The following RALYL variants were observed in gnomAD, a reference collection of about 807,000 sequenced individuals.
The protein encoded by RALYL is RALY RNA binding protein like.
In RALYL, 29 loss-of-function variants were observed where a neutral mutation model predicts 35.1. The observed-to-expected ratio is 0.83, with a 90% CI of 0.61 to 1.13. RALYL has a LOEUF of 1.13. RALYL is among the 50% of genes most tolerant of loss of function. The pLI, the probability that RALYL is intolerant of heterozygous loss-of-function variation, is 0.00. For synonymous variants in RALYL, 120 were observed against 127.6 expected (o/e 0.94, Z 0.40); for missense variants, 359 against 360.4 (o/e 1.00, Z 0.03).
At chr8:84,419,250 C>T (rs1016044529) in intron 1 of RALYL, among the ~76,000 whole-genome samples, 8 of 152,064 alleles carry the variant, frequency 5.3e-5, no homozygotes, top group African/African-American at 1.7e-4. Flanking sequence ...TCTTGTTCAC[C>T]ATAATTTATG....
chr8:84,283,689 G>A (rs1055745587), intron 1 of RALYL, among the ~76,000 whole-genome samples: 2 of 152,038 alleles, frequency 1.3e-5, no homozygotes, highest in African/African-American at 4.8e-5. Context: ...TCTATTATTT[G>A]CACCCAAAAT....
chr8:84,833,455 T>C (rs531985646), intron 4 of RALYL, among the ~76,000 whole-genome samples: 188 of 152,026 alleles, frequency 1.2e-3, no homozygotes, highest in African/African-American at 4.3e-3. Context: ...CTGGCCAACA[T>C]GAAGAAACCC....
At chr8:84,657,150 A>T (rs1830102031) in intron 2 of RALYL, among the ~76,000 whole-genome samples, 1 of 152,174 alleles carries the variant, frequency 6.6e-6, no homozygotes, top group Non-Finnish European at 1.5e-5. Context: ...ACAAATCCAG[A>T]AATTGCTGTT....
At chr8:84,683,233 G>C (rs28550430) in intron 2 of RALYL, among the ~76,000 whole-genome samples, 1 of 151,850 alleles carries the variant, frequency 6.6e-6, no homozygotes, top group African/African-American at 2.4e-5. Flanking sequence ...CTGTTCTTTT[G>C]CATTTGCTGA....
chr8:84,307,493 A>G (rs924426779), intron 1 of RALYL, among the ~76,000 whole-genome samples: 7 of 152,220 alleles, frequency 4.6e-5, no homozygotes, highest in African/African-American at 1.7e-4. Context: ...AAGAAAAAAA[A>G]GCACAACCAC....
intron 2 of RALYL, among the ~76,000 whole-genome samples, chr8:84,653,736 C>T (rs1829331181): frequency 6.7e-6 from 1 of 148,900 alleles, no homozygotes; most frequent in African/African-American, 2.6e-5. Context: ...CTCCATAAAA[C>T]AGACCTTCTA....
At chr8:84,915,138 TATAAGA>T (rs1390887906) in intron 8 of RALYL, among the ~76,000 whole-genome samples, 8 of 152,040 alleles carry the variant, frequency 5.3e-5, no homozygotes, top group Admixed American at 2.6e-4. Flanking sequence ...TTCCACCCAC[TATAAGA>T]ATAAGTGTCA....
At chr8:84,873,485 G>C in intron 7 of RALYL, 88 bp downstream of exon 7, 2 of 741,072 alleles carry the variant, frequency 2.7e-6, no homozygotes, top group Non-Finnish European at 4.6e-6. Flanking sequence ...GGAAGACACT[G>C]GCTGAGTTTA....
At chr8:84,335,315 C>A (rs115989102) in intron 1 of RALYL, among the ~76,000 whole-genome samples, 419 of 152,192 alleles carry the variant, frequency 2.8e-3, no homozygotes, top group African/African-American at 8.7e-3. Flanking sequence ...TTCCTTGCTC[C>A]CAGATGAAGC....
intron 1 of RALYL, among the ~76,000 whole-genome samples, chr8:84,371,104 C>G (rs1280858051): frequency 6.6e-6 from 1 of 151,936 alleles, no homozygotes; most frequent in Non-Finnish European, 1.5e-5. Flanking sequence ...CCTCTTGCTC[C>G]TCCTCACGGA....
chr8:84,850,031 T>C lies in RALYL; in HGVS notation c.413+4T>C, dbSNP rs1204487109. ...ACAGAGATGATTTCTACAATCGGTATGTGAATTTTTCATCCTTGTTTTCCT... is the reference window on the plus strand; with the variant it reads ...ACAGAGATGATTTCTACAATCGGTACGTGAATTTTTCATCCTTGTTTTCCT... On this transcript the variant is annotated splice_donor_region_variant and intron_variant, in intron 5 of 8. Coordinates refer to ENST00000521268, the MANE Select transcript of RALYL (RefSeq NM_173848.7). 4.1e-6 allele frequency: 6 copies of C among 1,460,262 alleles called. No individual in the cohort carries two copies. The highest frequency in any genetic ancestry group is 5.5e-6 in the Non-Finnish European group (6 of 1,094,138). The allele number at this position is 1,460,262 out of a possible 1,614,324, so 90.5% of individuals were successfully genotyped here. A position where few individuals can be genotyped will look rare whatever the true frequency, so the allele number is the denominator to read the frequency against.
chr8:84,653,374 C>T (rs908791104), intron 2 of RALYL, among the ~76,000 whole-genome samples: 1 of 151,986 alleles, frequency 6.6e-6, no homozygotes, highest in Non-Finnish European at 1.5e-5. Flanking sequence ...GCTACACATG[C>T]AATGCACGTA....
At chr8:84,615,570 CTTTTTTTTTTTTTTT>C (rs60428128) in intron 2 of RALYL, among the ~76,000 whole-genome samples, 9 of 67,364 alleles carry the variant, frequency 1.3e-4, no homozygotes, top group South Asian at 6.1e-4. Context: ...GAACTTTCGT[CTTTTTTTTTTTTTTT>C]TTTTTTTTTT....
At chr8:84,258,546 G>GA (rs1831621930) in intron 1 of RALYL, among the ~76,000 whole-genome samples, 3 of 151,656 alleles carry the variant, frequency 2.0e-5, no homozygotes, top group Non-Finnish European at 4.4e-5. Context: ...TGCAGTATTT[G>GA]ATTGTATCAA....
At position 84,865,941 on chromosome 8, in the gene RALYL, G is replaced by A. The variant is rs575294952; in HGVS notation, c.571+3488G>A. Among the ~76,000 whole-genome samples, 3 of 152,228 alleles carry A rather than the reference G, an allele frequency of 2.0e-5. No individual in the cohort carries two copies. In the East Asian group the frequency reaches 5.8e-4, roughly 29 times the overall value. On this transcript the variant is annotated intron_variant, in intron 6 of 8. Coordinates refer to ENST00000521268, the MANE Select transcript of RALYL (RefSeq NM_173848.7). ...GAGAATTTATCCCCAATGCTAAGAA[G>A]GCTTTCTTATGTTGGGTTCCTCCCC...
chr8:84,725,499 G>A (rs1222982770), intron 2 of RALYL, among the ~76,000 whole-genome samples: 1 of 151,740 alleles, frequency 6.6e-6, no homozygotes, highest in African/African-American at 2.4e-5. Flanking sequence ...TTTAATCAAA[G>A]CAATGTTGTG....
chr8:84,199,864 C>A (rs566683668), intron 1 of RALYL, among the ~76,000 whole-genome samples: 13 of 152,174 alleles, frequency 8.5e-5, no homozygotes, highest in Non-Finnish European at 1.5e-4. Context: ...AATTTAATCT[C>A]AGAGGTGAAG....
chr8:84,406,075 A>G (rs1050741013), intron 1 of RALYL, among the ~76,000 whole-genome samples: 4 of 151,422 alleles, frequency 2.6e-5, no homozygotes, highest in African/African-American at 9.7e-5. Context: ...AAAAAAAAAA[A>G]AGAATAACAA....
intron 1 of RALYL, among the ~76,000 whole-genome samples, chr8:84,435,999 C>T (rs924143733): frequency 1.3e-5 from 2 of 152,054 alleles, no homozygotes; most frequent in African/African-American, 4.8e-5. Flanking sequence ...ACAGTGTATA[C>T]TGCTCAGGTG....
Sources: allele counts gnomAD v4.1 joint callset (sites outside exome capture counted in the v4.1 genomes callset), GRCh38; gene constraint gnomAD v4.1.1; transcripts MANE v1.5; gene names NCBI Gene and HGNC (gene_info 2026-07-23, HGNC 2026-07-21).